NXPE3: variants seen among roughly 807,000 people sequenced by gnomAD.
NXPE3 encodes neurexophilin and PC-esterase domain family member 3.
In NXPE3, 26 loss-of-function variants were observed where a neutral mutation model predicts 46.1. That is an observed-to-expected ratio of 0.56 (90% confidence interval 0.41 to 0.78). The LOEUF (loss-of-function observed/expected upper bound fraction) is 0.78, where lower values mean the gene tolerates loss of function less well. Ranked by LOEUF, NXPE3 falls within the 30% of genes least tolerant of loss-of-function variation. The pLI is 0.00. For missense variants in NXPE3, 620 were observed against 686.0 expected (o/e 0.90, Z 1.07); for synonymous variants, 272 against 257.9 (o/e 1.05, Z -0.52).
intron 4 of NXPE3, among the ~76,000 whole-genome samples, chr3:101,797,151 G>A (rs376066648): frequency 6.6e-6 from 1 of 152,188 alleles, no homozygotes; most frequent in Non-Finnish European, 1.5e-5. Context: ...ATGGTATTAA[G>A]TACACAGTTG....
At chr3:101,813,734 T>G (rs1576776067) in intron 6 of NXPE3, among the ~76,000 whole-genome samples, 1 of 152,344 alleles carries the variant, frequency 6.6e-6, no homozygotes, top group East Asian at 1.9e-4. Context: ...GTTTTAATTA[T>G]TTTTATTCCA....
intron 3 of NXPE3, 115 bp downstream of exon 3, chr3:101,782,895 G>C (rs1020542058): frequency 6.6e-6 from 1 of 152,146 alleles, no homozygotes; most frequent in Non-Finnish European, 1.5e-5. Context: ...CAAACCTCCT[G>C]TTTTGGCCTC....
intron 4 of NXPE3, among the ~76,000 whole-genome samples, 172 bp from the exon 5 acceptor site, chr3:101,801,063 C>G (rs887427226): frequency 2.6e-5 from 4 of 152,174 alleles, no homozygotes; most frequent in African/African-American, 9.7e-5. Flanking sequence ...GGGTCCTTTT[C>G]CCTTTCTCTT....
chr3:101,800,687 C>T (rs1367390107), intron 4 of NXPE3, among the ~76,000 whole-genome samples: 1 of 151,642 alleles, frequency 6.6e-6, no homozygotes, highest in Non-Finnish European at 1.5e-5. Context: ...TGGTTAGGTA[C>T]ATACATGTTA....
intron 6 of NXPE3, among the ~76,000 whole-genome samples, chr3:101,807,524 AT>A (rs1236569822): frequency 1.3e-5 from 2 of 151,690 alleles, no homozygotes; most frequent in East Asian, 3.9e-4. Flanking sequence ...AATTTTTGCC[AT>A]GTTGCCCAGG....
chr3:101,790,684 G>T (rs879421981), intron 4 of NXPE3, among the ~76,000 whole-genome samples: 1 of 151,900 alleles, frequency 6.6e-6, no homozygotes, highest in Non-Finnish European at 1.5e-5. Context: ...CCTCTGTCTC[G>T]CGGGCTCAAG....
chr3:101,816,199 C>T (rs1432601013), intron 6 of NXPE3, among the ~76,000 whole-genome samples: 1 of 152,086 alleles, frequency 6.6e-6, no homozygotes, highest in African/African-American at 2.4e-5. Flanking sequence ...GCTGAAAGTC[C>T]CTCCTTTCCT....
chr3:101,821,492 C>T lies in NXPE3; in HGVS notation c.1218C>T (p.Arg406=). The T allele has an allele frequency of 6.2e-7, 1 of 1,614,214 alleles. No individual in the cohort carries two copies. Among genetic ancestry groups the T allele is most frequent in the Non-Finnish European group, 8.5e-7 (1 of 1,180,038 alleles). The change falls in exon 8 of 8, where the codon CGC becomes CGT. Residue 406 remains arginine, a synonymous_variant. Coordinates refer to ENST00000273347, the MANE Select transcript of NXPE3 (RefSeq NM_145037.4). The part of the protein sequence containing the change: ...DQKHNILLKY[R]CHGPPIRFTT... ...AGCACAACATCCTGCTCAAATACCG[C>T]TGCCATGGTCCACCCATCCGCTTCA... is the stretch of plus-strand genomic sequence containing the variant.
chr3:101,814,347 G>C (rs936871639), intron 6 of NXPE3, among the ~76,000 whole-genome samples: 1 of 152,134 alleles, frequency 6.6e-6, no homozygotes, highest in African/African-American at 2.4e-5. Context: ...AACAAGCCTA[G>C]GAAATGTTTA....
In NXPE3 at chr3:101,791,054, A is replaced by G. The variant is rs906711171; in HGVS notation, c.93+5365A>G. ...TGTGTACATATTATTTCATCACCCAATTATTAAGCCCAGTACCCTCTCTGC... is the reference window on the plus strand; with the variant it reads ...TGTGTACATATTATTTCATCACCCAGTTATTAAGCCCAGTACCCTCTCTGC... On this transcript the variant is annotated intron_variant, in intron 4 of 7. Transcript: ENST00000273347. 6.6e-5 allele frequency among the ~76,000 whole-genome samples: 10 copies of G among 152,278 alleles called. 1 individual carries two copies. The highest frequency in any genetic ancestry group is 1.2e-4 in the African/African-American group (5 of 41,564).
intron 6 of NXPE3, among the ~76,000 whole-genome samples, chr3:101,812,720 G>A (rs1941770934): frequency 6.8e-6 from 1 of 147,054 alleles, no homozygotes; most frequent in Admixed American, 7.0e-5. Flanking sequence ...GCTGAGGCAG[G>A]AGAATGGCGT....
intron 4 of NXPE3, among the ~76,000 whole-genome samples, chr3:101,799,232 A>G (rs934847187): frequency 1.3e-5 from 2 of 152,108 alleles, no homozygotes; most frequent in South Asian, 2.1e-4. Context: ...GAGCCACTGC[A>G]CCTGATCTAC....
At chr3:101,785,762 A>G in intron 4 of NXPE3, 73 bp downstream of exon 4, 2 of 1,264,234 alleles carry the variant, frequency 1.6e-6, no homozygotes, top group Non-Finnish European at 2.3e-6. Context: ...AGCCTGGGAA[A>G]ACGTTGGTTA....
At chr3:101,785,838 T>C in intron 4 of NXPE3, 149 bp downstream of exon 4, 3 of 666,014 alleles carry the variant, frequency 4.5e-6, no homozygotes, top group Non-Finnish European at 8.1e-6. Context: ...GTGCTCACAA[T>C]GGTTATATAC....
Position 101,824,778 on chromosome 3 carries a change from C to T in NXPE3, c.*2824C>T, listed in dbSNP as rs974041109. 9 of 152,134 alleles carry T rather than the reference C, an allele frequency of 5.9e-5. No homozygotes were observed. Among genetic ancestry groups the T allele is most frequent in the African/African-American group, 1.9e-4 (8 of 41,400 alleles). 9.4% of individuals were successfully genotyped at this position (152,134 alleles called of 1,614,324 possible). On this transcript the variant is annotated 3_prime_UTR_variant, in exon 8 of 8. Transcript: ENST00000273347. ...CTTGTCGTGAAAGAACTTGACATTT[C>T]CTCAAGGATTTATAAAGGAGGCTGA...
chr3:101,788,113 C>T (rs565193262), intron 4 of NXPE3, among the ~76,000 whole-genome samples: 2 of 152,078 alleles, frequency 1.3e-5, no homozygotes, highest in African/African-American at 2.4e-5. Flanking sequence ...TAATGTATAA[C>T]AGTAGTTTTA....
In NXPE3 at chr3:101,823,176, C is replaced by T. The variant is rs1266719962; in HGVS notation, c.*1222C>T. ...CTAGTTTAAGTTGCTCCTAAGTAGA[C>T]AGATGAAGAAACTAGGGAGGCTTTA... On this transcript the variant is annotated 3_prime_UTR_variant, in exon 8 of 8. Coordinates refer to ENST00000273347, the MANE Select transcript of NXPE3 (RefSeq NM_145037.4). The T allele has an allele frequency of 6.6e-6, 1 of 152,050 alleles. No homozygotes were observed. Among genetic ancestry groups the T allele is most frequent in the Non-Finnish European group, 1.5e-5 (1 of 68,018 alleles). 9.4% of individuals were successfully genotyped at this position (152,050 alleles called of 1,614,324 possible). A position where few individuals can be genotyped will look rare whatever the true frequency, so the allele number is the denominator to read the frequency against.
intron 6 of NXPE3, among the ~76,000 whole-genome samples, chr3:101,813,116 C>T (rs1432511308): frequency 1.3e-5 from 2 of 152,138 alleles, no homozygotes; most frequent in African/African-American, 4.8e-5. Context: ...ATACACTATC[C>T]TCATTCCTCA....
At position 101,821,985 on chromosome 3, in the gene NXPE3, T is replaced by C; in HGVS notation, c.*31T>C. 1 of 1,583,190 alleles carries C rather than the reference T, an allele frequency of 6.3e-7. No homozygotes were observed. Among genetic ancestry groups the C allele is most frequent in the Non-Finnish European group, 8.6e-7 (1 of 1,157,844 alleles). Reference sequence around the variant, plus strand: ...CTTGGAAGGGACTGGAGGAATCATATTCAATGACCTTCTCAATTGACCTGA... The same window carrying C: ...CTTGGAAGGGACTGGAGGAATCATACTCAATGACCTTCTCAATTGACCTGA... On this transcript the variant is annotated 3_prime_UTR_variant, in exon 8 of 8. Coordinates refer to ENST00000273347, the MANE Select transcript of NXPE3 (RefSeq NM_145037.4).
Sources: gnomAD v4.1 joint callset for allele counts (sites outside exome capture counted in the v4.1 genomes callset) on GRCh38, gnomAD v4.1.1 for gene constraint, MANE v1.5 for transcripts, NCBI Gene and HGNC (gene_info 2026-07-23, HGNC 2026-07-21) for gene names.